Variants in FAM149A observed in about 807,000 individuals in gnomAD.
The protein encoded by FAM149A is protein FAM149A.
FAM149A carries 71 observed loss-of-function variants against 78.2 expected under a neutral mutation model. The ratio of observed to expected loss-of-function variants is 0.91; its 90% CI spans 0.75 to 1.11. FAM149A has a LOEUF of 1.11. Among genes scored for constraint, FAM149A ranks in the 50% least tolerant of loss-of-function variants. FAM149A has a pLI of 0.00. For missense variants in FAM149A, 1,036 were observed against 971.0 expected, an observed-to-expected ratio of 1.07 and a Z score of -0.89; for synonymous variants, 446 against 410.5, an observed-to-expected ratio of 1.09 and a Z score of -1.04.
chr4:186,171,852 C>T lies in FAM149A; in HGVS notation c.2219-62C>T, dbSNP rs144931080. 288 of 1,373,144 alleles carry T rather than the reference C, an allele frequency of 2.1e-4. No homozygotes were observed. In the East Asian group the frequency reaches 5.8e-3, roughly 27 times the overall value. 85.1% of individuals were successfully genotyped at this position (1,373,144 alleles called of 1,614,324 possible). On this transcript the variant is annotated intron_variant, in intron 13 of 13. Coordinates refer to ENST00000389354, the MANE Select transcript of FAM149A (RefSeq NM_001367768.3). ...ATTTGCATGGAGTGTACAAAACAAT[C>T]GTTCTGAGTGGGTGCCTTTGTAACA...
Position 186,137,689 on chromosome 4 carries a change from A to G in FAM149A, c.567-11484A>G, listed in dbSNP as rs181620732. 1.8e-4 allele frequency among the ~76,000 whole-genome samples: 27 copies of G among 152,214 alleles called. No individual in the cohort carries two copies. In the East Asian group the frequency reaches 4.6e-3, roughly 26 times the overall value. ...TTTCAATATTACATGCAGCCTTTCAATCCCAATCTAGAGCTATATCTTGGT... is the reference window on the plus strand; with the variant it reads ...TTTCAATATTACATGCAGCCTTTCAGTCCCAATCTAGAGCTATATCTTGGT... On this transcript the variant is annotated intron_variant, in intron 1 of 13. Coordinates refer to ENST00000389354, the MANE Select transcript of FAM149A (RefSeq NM_001367768.3).
intron 1 of FAM149A, among the ~76,000 whole-genome samples, chr4:186,145,312 G>A (rs1015586758): frequency 6.6e-6 from 1 of 152,154 alleles, no homozygotes; most frequent in African/African-American, 2.4e-5. Context: ...GGTCGCTCCT[G>A]GGACTTGCTG....
At chr4:186,106,742 T>C (rs1361976538) in intron 1 of FAM149A, among the ~76,000 whole-genome samples, 1 of 152,076 alleles carries the variant, frequency 6.6e-6, no homozygotes, top group Non-Finnish European at 1.5e-5. Flanking sequence ...GGTCAGGAGA[T>C]CGAGACCATC....
In FAM149A at chr4:186,113,710, G is replaced by A. The variant is rs549018025; in HGVS notation, c.566+8068G>A. On this transcript the variant is annotated intron_variant, in intron 1 of 13. Coordinates refer to ENST00000389354, the MANE Select transcript of FAM149A (RefSeq NM_001367768.3). Reference sequence around the variant, plus strand: ...TCCATGTAGTTGAGCGGTTTTGAGTGAGATTCTTAATCCTGAGTTCTAGTT... The same window carrying A: ...TCCATGTAGTTGAGCGGTTTTGAGTAAGATTCTTAATCCTGAGTTCTAGTT... Among the ~76,000 whole-genome samples the A allele has an allele frequency of 3.3e-3, 498 of 151,060 alleles. 3 individuals are homozygous for A. The highest frequency in any genetic ancestry group is 0.012 in the African/African-American group (475 of 41,054).
At position 186,173,061 on chromosome 4, in the gene FAM149A, TA is replaced by T. The variant is rs979524987; in HGVS notation, c.*1075del. Among the ~76,000 whole-genome samples, 7 of 112,760 alleles carry T rather than the reference TA, an allele frequency of 6.2e-5. 1 individual carries two copies. The highest frequency in any genetic ancestry group is 1.9e-4 in the African/African-American group (7 of 35,966). The allele number at this position is 112,760 out of a possible 152,430, so 74.0% of individuals were successfully genotyped here. A position where few individuals can be genotyped will look rare whatever the true frequency, so the allele number is the denominator to read the frequency against. On this transcript the variant is annotated 3_prime_UTR_variant, in exon 14 of 14. Transcript: ENST00000389354. ...AATTGCATTTCATCAGTCTAATTTT[TA>T]CTAATCCAAACTGTAACTTTATAAG... is the stretch of plus-strand genomic sequence containing the variant.
intron 1 of FAM149A, among the ~76,000 whole-genome samples, chr4:186,139,889 C>T (rs911057346): frequency 1.3e-5 from 2 of 152,180 alleles, no homozygotes; most frequent in African/African-American, 2.4e-5. Context: ...GCCAGGACTG[C>T]TCGTACTGGA....
intron 1 of FAM149A, among the ~76,000 whole-genome samples, chr4:186,137,522 A>G (rs1396493923): frequency 2.0e-5 from 3 of 152,092 alleles, no homozygotes; most frequent in Non-Finnish European, 4.4e-5. Context: ...TCTATTCTGG[A>G]ATGAAAATTC....
rs962706531 is a variant in FAM149A at position 186,149,635 on chromosome 4, G to A, written c.720G>A (p.Gly240=). The stretch of plus-strand genomic sequence containing the variant: ...CGGGAGCCCACACCTCTTGGTCTGG[G>A]TCGGCCACACAGAGCTCTACCACCG... Residue 240 remains glycine (G), a synonymous_variant, in exon 3 of 14, where the codon GGG becomes GGA. Coordinates refer to ENST00000389354, the MANE Select transcript of FAM149A (RefSeq NM_001367768.3). The A allele has an allele frequency of 1.6e-6, 2 of 1,289,866 alleles. No individual in the cohort carries two copies. Among genetic ancestry groups the A allele is most frequent in the African/African-American group, 1.5e-5 (1 of 65,842 alleles). 79.9% of individuals were successfully genotyped at this position (1,289,866 alleles called of 1,614,324 possible).
At chr4:186,123,586 G>T (rs1561389073) in intron 1 of FAM149A, among the ~76,000 whole-genome samples, 1 of 152,220 alleles carries the variant, frequency 6.6e-6, no homozygotes, top group Non-Finnish European at 1.5e-5. Flanking sequence ...CAAGCTCGGT[G>T]TTTTTTGTGA....
intron 1 of FAM149A, among the ~76,000 whole-genome samples, chr4:186,131,660 C>T (rs1274170176): frequency 6.6e-6 from 1 of 152,206 alleles, no homozygotes; most frequent in Non-Finnish European, 1.5e-5. Flanking sequence ...ACACCTGATA[C>T]CTCAAGTCAC....
At chr4:186,150,987 G>A (rs1056726279) in intron 3 of FAM149A, 4 of 981,498 alleles carry the variant, frequency 4.1e-6, no homozygotes, top group Non-Finnish European at 4.8e-6. Context: ...CCCATGGCAT[G>A]AGCCACTGCG....
intron 1 of FAM149A, among the ~76,000 whole-genome samples, chr4:186,133,492 C>T (rs1382703363): frequency 1.3e-5 from 2 of 152,222 alleles, no homozygotes; most frequent in African/African-American, 4.8e-5. Flanking sequence ...TTTCACTTAG[C>T]GTAAAGATTT....
chr4:186,109,263 T>C lies in FAM149A; in HGVS notation c.566+3621T>C, dbSNP rs2099310231. On this transcript the variant is annotated intron_variant, in intron 1 of 13. Transcript: ENST00000389354. The stretch of plus-strand genomic sequence containing the variant: ...AGAGTGTAAACTTCTAGTCAGGAAG[T>C]ATTTATAGCTTGTATAAGTCATAGT... 8.8e-6 allele frequency: 8 copies of C among 906,404 alleles called. No homozygotes were observed. In the South Asian group the frequency reaches 3.5e-4, roughly 40 times the overall value. 56.1% of individuals were successfully genotyped at this position (906,404 alleles called of 1,614,324 possible).
At chr4:186,142,692 A>G (rs1000009613) in intron 1 of FAM149A, among the ~76,000 whole-genome samples, 1 of 152,152 alleles carries the variant, frequency 6.6e-6, no homozygotes, top group East Asian at 1.9e-4. Context: ...GCATGAGAGA[A>G]GGCTCAACTG....
intron 1 of FAM149A, among the ~76,000 whole-genome samples, chr4:186,139,155 T>G (rs1043327649): frequency 2.0e-5 from 3 of 152,206 alleles, no homozygotes; most frequent in African/African-American, 7.2e-5. Flanking sequence ...ATGGCTCCTG[T>G]GACATGCTCT....
intron 1 of FAM149A, among the ~76,000 whole-genome samples, chr4:186,135,439 G>A (rs1163235804): frequency 2.6e-5 from 4 of 152,074 alleles, no homozygotes; most frequent in Admixed American, 6.6e-5. Context: ...TGAAGTCACC[G>A]GAAACCATGA....
At chr4:186,108,387 C>T (rs1225915825) in intron 1 of FAM149A, among the ~76,000 whole-genome samples, 3 of 150,232 alleles carry the variant, frequency 2.0e-5, no homozygotes, top group East Asian at 2.0e-4. Flanking sequence ...ATACATTTTA[C>T]ATTTGCCTGA....
intron 1 of FAM149A, among the ~76,000 whole-genome samples, chr4:186,141,903 G>A (rs902712442): frequency 3.3e-5 from 5 of 152,176 alleles, no homozygotes; most frequent in African/African-American, 7.2e-5. Context: ...TGGATGGGGT[G>A]AACTCTGATA....
At chr4:186,161,062 A>T (rs1477761204) in intron 8 of FAM149A, among the ~76,000 whole-genome samples, 4 of 152,212 alleles carry the variant, frequency 2.6e-5, no homozygotes, top group African/African-American at 9.6e-5. Flanking sequence ...TTATATATTA[A>T]TAGTCTATAT....
Sources: allele counts gnomAD v4.1 joint callset (sites outside exome capture counted in the v4.1 genomes callset), GRCh38; gene constraint gnomAD v4.1.1; transcripts MANE v1.5; gene names NCBI Gene and HGNC (gene_info 2026-07-23, HGNC 2026-07-21).